Variants in IRF1 observed in about 807,000 individuals in gnomAD.
The protein encoded by IRF1 is interferon regulatory factor-1.
IRF1 carries 13 observed loss-of-function variants against 43.7 expected under a neutral mutation model. That is an observed-to-expected ratio of 0.30 (90% CI 0.19 to 0.47). IRF1 has a LOEUF of 0.47. Ranked by LOEUF, IRF1 falls within the 20% of genes least tolerant of loss-of-function variation. The pLI is 0.99. For missense variants in IRF1, 236 were observed against 408.9 expected (o/e 0.58, Z 3.65); for synonymous variants, 138 against 146.8 (o/e 0.94, Z 0.43).
At position 132,486,684 on chromosome 5, in the gene IRF1, T is replaced by C. The variant is rs760817114; in HGVS notation, c.417A>G (p.Ser139=). Residue 139 remains serine (S), a splice_region_variant and synonymous_variant, in exon 6 of 10, where the codon TCA becomes TCG. Transcript: ENST00000245414. The part of the protein sequence containing the change: ...RDAKSKAKRK[S]CGDSSPDTFS... ...AGGTATCAGGGCTGGAATCCCCACA[T>C]GACTGTCGAGGGAGAAAGCAGCTTA... The C allele has an allele frequency of 3.5e-5, 56 of 1,613,792 alleles. 1 individual carries two copies. The South Asian group carries it at 5.9e-4, about 17-fold the overall frequency.
rs1754427003 is a variant in IRF1 at position 132,483,044 on chromosome 5, A to T, written c.*907T>A. The T allele has an allele frequency of 2.0e-5, 3 of 151,090 alleles. No individual in the cohort carries two copies. Among genetic ancestry groups the T allele is most frequent in the Admixed American group, 6.6e-5 (1 of 15,226 alleles). The allele number at this position is 151,090 out of a possible 1,614,324, so 9.4% of individuals were successfully genotyped here. On this transcript the variant is annotated 3_prime_UTR_variant, in exon 10 of 10. Transcript: ENST00000245414. Reference sequence around the variant, plus strand: ...CAGTGTTTCCATAAAAAGTAAAATCATCTACAAGTTAAATTTCTCTCTAAA... The same window carrying T: ...CAGTGTTTCCATAAAAAGTAAAATCTTCTACAAGTTAAATTTCTCTCTAAA...
At chr5:132,485,864 C>T in intron 7 of IRF1, 148 bp from the exon 8 acceptor site, 1 of 653,800 alleles carries the variant, frequency 1.5e-6, no homozygotes, top group Non-Finnish European at 2.7e-6. Flanking sequence ...CCCGGTGGAC[C>T]TATCTGCCAT....
chr5:132,487,448 G>T (rs926945573), intron 3 of IRF1: 2 of 399,084 alleles, frequency 5.0e-6, no homozygotes, highest in Admixed American at 8.1e-5. Context: ...GCTATCAGCA[G>T]CCAGAGGGTA....
intron 9 of IRF1, 77 bp from the exon 10 acceptor site, chr5:132,484,152 A>G (rs2126836381): frequency 6.4e-7 from 1 of 1,569,092 alleles, no homozygotes; most frequent in Middle Eastern, 1.9e-4. Context: ...CCTGAAGGCC[A>G]TAGACATGGC....
intron 3 of IRF1, chr5:132,487,667 G>C (rs1200806730): frequency 3.9e-6 from 2 of 514,720 alleles, no homozygotes; most frequent in Non-Finnish European, 7.0e-6. Flanking sequence ...AGATGCTTTT[G>C]CCAGGGAGAA....
At chr5:132,489,256 G>T in intron 2 of IRF1, 136 bp downstream of exon 2, 1 of 695,622 alleles carries the variant, frequency 1.4e-6, no homozygotes. Flanking sequence ...CACACTCCCT[G>T]CATGCAGGAC....
At position 132,486,683 on chromosome 5, in the gene IRF1, A is replaced by G. The variant is rs914824612; in HGVS notation, c.418T>C (p.Cys140Arg). ...AAGGTATCAGGGCTGGAATCCCCAC[A>G]TGACTGTCGAGGGAGAAAGCAGCTT... is the stretch of plus-strand genomic sequence containing the variant. Reference protein sequence around the residue: ...DAKSKAKRKSCGDSSPDTFSD... With the variant: ...DAKSKAKRKSRGDSSPDTFSD... Residue 140 changes from cysteine (C) to arginine (R), a missense_variant, in exon 6 of 10, where the codon TGT (cysteine) becomes CGT (arginine). By Grantham distance (180) the Cys-to-Arg change is radical. Coordinates refer to ENST00000245414, the MANE Select transcript of IRF1 (RefSeq NM_002198.3). The G allele has an allele frequency of 6.2e-7, 1 of 1,613,802 alleles. No individual in the cohort carries two copies. The highest frequency in any genetic ancestry group is 1.3e-5 in the African/African-American group (1 of 74,950).
At chr5:132,486,225 G>A in intron 7 of IRF1, 26 bp downstream of exon 7, 2 of 1,610,858 alleles carry the variant, frequency 1.2e-6, no homozygotes, top group Non-Finnish European at 1.7e-6. Context: ...AGTCAAGCAG[G>A]CAGGCCAGGC....
At chr5:132,485,628 C>A (rs375551867) in intron 8 of IRF1, 39 bp downstream of exon 8, 1 of 1,493,146 alleles carries the variant, frequency 6.7e-7, no homozygotes, top group South Asian at 1.1e-5. Context: ...CACTGAGAAA[C>A]GGTCACTTCA....
rs367870262 is a variant in IRF1 at position 132,489,381 on chromosome 5, G to A, written c.87+11C>T. 6.2e-7 allele frequency: 1 copy of A among 1,602,480 alleles called. No homozygotes were observed. The highest frequency in any genetic ancestry group is 8.6e-7 in the Non-Finnish European group (1 of 1,169,444). On this transcript the variant is annotated intron_variant, in intron 2 of 9. Transcript: ENST00000245414. ...AAACAGTGGCAGGAAAACCCAAAGA[G>A]TTACACTCACTTTATTAATCCAGAT...
In IRF1 at chr5:132,483,908, G is replaced by A. The variant is rs376659584; in HGVS notation, c.*43C>T. On this transcript the variant is annotated 3_prime_UTR_variant, in exon 10 of 10. Coordinates refer to ENST00000245414, the MANE Select transcript of IRF1 (RefSeq NM_002198.3). ...CTGCACCATATCCACCATGATGCCAGGTCCTGCTTGCCTAGAGGAATAAGA... is the reference window on the plus strand; with the variant it reads ...CTGCACCATATCCACCATGATGCCAAGTCCTGCTTGCCTAGAGGAATAAGA... 2 of 1,608,154 alleles carry A rather than the reference G, an allele frequency of 1.2e-6. No individual in the cohort carries two copies. The highest frequency in any genetic ancestry group is 2.7e-5 in the African/African-American group (2 of 74,786).
At chr5:132,485,456 G>C (rs1754495996) in intron 8 of IRF1, 1 of 597,420 alleles carries the variant, frequency 1.7e-6, no homozygotes. Context: ...GCTTCAGGAC[G>C]GCCTGTCAGA....
chr5:132,485,313 A>C (rs1278519560), intron 8 of IRF1: 1 of 254,840 alleles, frequency 3.9e-6, no homozygotes, highest in African/African-American at 2.2e-5. Flanking sequence ...ACGGATCCTA[A>C]AGGCTGATTA....
At chr5:132,486,461 G>A (rs1016787104) in intron 6 of IRF1, 88 bp from the exon 7 acceptor site, 1 of 1,609,726 alleles carries the variant, frequency 6.2e-7, no homozygotes, top group African/African-American at 1.3e-5. Context: ...CCTGCAGCCT[G>A]CACTAATGGG....
Position 132,487,913 on chromosome 5 carries a change from C to T in IRF1, c.187+13G>A. ...TACCCTGGGCTTCCTAGGCCTGAGT[C>T]CCAGGCACACACCTGTGTGAATGGC... On this transcript the variant is annotated intron_variant, in intron 3 of 9. Coordinates refer to ENST00000245414, the MANE Select transcript of IRF1 (RefSeq NM_002198.3). The T allele has an allele frequency of 6.2e-7, 1 of 1,604,368 alleles. No homozygotes were observed.
At chr5:132,487,792 C>T (rs1464007867) in intron 3 of IRF1, 134 bp downstream of exon 3, 3 of 624,100 alleles carry the variant, frequency 4.8e-6, no homozygotes, top group Non-Finnish European at 8.6e-6. Flanking sequence ...AGTCTGCCAC[C>T]AGCCCCTCTT....
rs564278427 is a variant in IRF1 at position 132,489,555 on chromosome 5, G to A, written c.-5-72C>T. On this transcript the variant is annotated intron_variant, in intron 1 of 9. Coordinates refer to ENST00000245414, the MANE Select transcript of IRF1 (RefSeq NM_002198.3). Reference sequence around the variant, plus strand: ...ACCTGGGCAGTGACCTGCCCCACCCGAGGTCACTTAGTTACCCTCCCCTCA... The same window carrying A: ...ACCTGGGCAGTGACCTGCCCCACCCAAGGTCACTTAGTTACCCTCCCCTCA... The A allele has an allele frequency of 2.4e-5, 29 of 1,216,740 alleles. No individual in the cohort carries two copies. The East Asian group carries it at 6.3e-4, about 27-fold the overall frequency. 75.4% of individuals were successfully genotyped at this position (1,216,740 alleles called of 1,614,324 possible).
chr5:132,484,936 G>C (rs1230488888), intron 8 of IRF1: 1 of 157,936 alleles, frequency 6.3e-6, no homozygotes, highest in Non-Finnish European at 1.4e-5. Context: ...TTTTGAAATG[G>C]AGTTTTGCTC....
In IRF1 at chr5:132,484,552, G is replaced by A. The variant is rs1754468942; in HGVS notation, c.718-55C>T. 1.4e-5 allele frequency: 22 copies of A among 1,608,076 alleles called. No homozygotes were observed. In the East Asian group the frequency reaches 4.9e-4, roughly 36 times the overall value. On this transcript the variant is annotated intron_variant, in intron 8 of 9. Transcript: ENST00000245414. ...CTCCCTTCCAGTGCAGACTCACCCT[G>A]TGGCCCTGCCCTCAATGAGCCAGCT...
Sources: gnomAD v4.1 joint callset for allele counts on GRCh38, gnomAD v4.1.1 for gene constraint, MANE v1.5 for transcripts, NCBI Gene and HGNC (gene_info 2026-07-23, HGNC 2026-07-21) for gene names.